The following PPARGC1A variants were observed in gnomAD, a reference collection of about 807,000 sequenced individuals.
PPARGC1A encodes the protein PPARG coactivator 1 alpha, also known as peroxisome proliferator-activated receptor gamma coactivator 1-alpha.
A neutral mutation model predicts 88.7 loss-of-function variants in PPARGC1A; 25 were observed. That is an observed-to-expected ratio of 0.28 (90% CI 0.21 to 0.39). PPARGC1A has a LOEUF of 0.39. Among genes scored for constraint, PPARGC1A ranks in the 10% least tolerant of loss-of-function variants. PPARGC1A has a pLI of 1.00. For synonymous variants in PPARGC1A, 363 were observed against 355.6 expected (o/e 1.02, Z -0.24); for missense variants, 880 against 968.7 (o/e 0.91, Z 1.22).
chr4:24,290,961 G>GA, the PPARGC1A span, among the ~76,000 whole-genome samples: 2 of 152,090 alleles, frequency 1.3e-5, no homozygotes, highest in Admixed American at 6.6e-5. Context: ...ATATCTAACA[G>GA]AAAAAATATT....
the PPARGC1A span, among the ~76,000 whole-genome samples, chr4:24,227,297 G>A: frequency 2.0e-5 from 3 of 152,124 alleles, no homozygotes; most frequent in Admixed American, 6.5e-5. Context: ...GTGTTGCCCA[G>A]GCTGGTTTCG....
chr4:24,016,464 A>T, the PPARGC1A span, among the ~76,000 whole-genome samples: 1 of 152,224 alleles, frequency 6.6e-6, no homozygotes, highest in East Asian at 1.9e-4. Context: ...CATTTAACAA[A>T]CATCCATTAA....
At chr4:24,420,321 T>G in the PPARGC1A span, among the ~76,000 whole-genome samples, 6 of 152,232 alleles carry the variant, frequency 3.9e-5, no homozygotes, top group Non-Finnish European at 8.8e-5. Flanking sequence ...ATGTGCTTTT[T>G]TTAATTTAAA....
the PPARGC1A span, among the ~76,000 whole-genome samples, chr4:24,254,667 C>T: frequency 1.4e-4 from 21 of 152,178 alleles, no homozygotes; most frequent in Non-Finnish European, 3.1e-4. Flanking sequence ...GAGGGCGTGA[C>T]GTGAAAGAAG....
chr4:23,905,646 G>C (rs140897537), upstream of PPARGC1A, among the ~76,000 whole-genome samples: 49 of 152,312 alleles, frequency 3.2e-4, no homozygotes, highest in African/African-American at 1.2e-3. Flanking sequence ...ATGCTGTGCT[G>C]AGTAGTTCTG....
rs1345142486 is a variant in PPARGC1A at position 23,884,995 on chromosome 4, G to T, written c.55-64C>A. ...ATTAACCACAGGAATTTATTAAACT[G>T]CAATAGCATGTGATAGGAATTAAGC... On this transcript the variant is annotated intron_variant, in intron 1 of 12. Transcript: ENST00000264867. 9 of 1,362,956 alleles carry T rather than the reference G, an allele frequency of 6.6e-6. 1 individual carries two copies. The East Asian group carries it at 2.0e-4, about 30-fold the overall frequency. The allele number at this position is 1,362,956 out of a possible 1,614,324, so 84.4% of individuals were successfully genotyped here.
At chr4:24,060,235 T>C in the PPARGC1A span, among the ~76,000 whole-genome samples, 1 of 152,108 alleles carries the variant, frequency 6.6e-6, no homozygotes, top group Non-Finnish European at 1.5e-5. Flanking sequence ...AAGTTGAAAG[T>C]ATTTGCTGGT....
the PPARGC1A span, among the ~76,000 whole-genome samples, chr4:24,191,182 T>C: frequency 6.6e-6 from 1 of 152,196 alleles, no homozygotes; most frequent in Non-Finnish European, 1.5e-5. Context: ...GTATGTATTC[T>C]CGGAGCAGAA....
chr4:24,037,744 T>G, the PPARGC1A span, among the ~76,000 whole-genome samples: 1 of 152,154 alleles, frequency 6.6e-6, no homozygotes, highest in Admixed American at 6.6e-5. Flanking sequence ...CCAAACCTCT[T>G]TGTATCCATG....
At chr4:24,227,754 C>G in the PPARGC1A span, among the ~76,000 whole-genome samples, 81,256 of 151,934 alleles carry the variant, frequency 0.53, 22,544 homozygotes, top group Non-Finnish European at 0.6. Flanking sequence ...ATTCCAGCAT[C>G]CTCATTACCT....
the PPARGC1A span, among the ~76,000 whole-genome samples, chr4:24,111,224 GCTTT>G: frequency 6.6e-6 from 1 of 152,202 alleles, no homozygotes; most frequent in South Asian, 2.1e-4. Context: ...GGGAGAGCCA[GCTTT>G]CTTTCTTCAG....
rs1428994117 is a variant in PPARGC1A, at chr4:23,792,818, G to A, written c.*3004C>T. 3.3e-5 allele frequency: 5 copies of A among 152,484 alleles called. No homozygotes were observed. Among genetic ancestry groups the A allele is most frequent in the African/African-American group, 1.2e-4 (5 of 41,406 alleles). The allele number at this position is 152,484 out of a possible 1,614,324, so 9.4% of individuals were successfully genotyped here. A position where few individuals can be genotyped will look rare whatever the true frequency, so the allele number is the denominator to read the frequency against. On this transcript the variant is annotated 3_prime_UTR_variant, in exon 13 of 13. Transcript: ENST00000264867. ...TAAAAATAAAAATGAGAGGAGCACA[G>A]CTTACATTTTGATGGGCTACCCACA... is the stretch of plus-strand genomic sequence containing the variant.
At chr4:24,309,401 G>A in the PPARGC1A span, among the ~76,000 whole-genome samples, 1 of 152,168 alleles carries the variant, frequency 6.6e-6, no homozygotes, top group Admixed American at 6.5e-5. Context: ...TCAACATCAA[G>A]GGGGATAGTG....
At chr4:23,894,006 G>T (rs1189592586), upstream of PPARGC1A, among the ~76,000 whole-genome samples, 2 of 152,240 alleles carry the variant, frequency 1.3e-5, no homozygotes, top group African/African-American at 2.4e-5. Flanking sequence ...ATAAGGCTGG[G>T]CAAGGTTTGG....
At chr4:24,062,990 C>T in the PPARGC1A span, among the ~76,000 whole-genome samples, 5 of 152,174 alleles carry the variant, frequency 3.3e-5, no homozygotes, top group African/African-American at 7.2e-5. Context: ...AACCTGTAAA[C>T]GATGGTTCAT....
chr4:24,328,260 C>T, the PPARGC1A span, among the ~76,000 whole-genome samples: 2 of 138,204 alleles, frequency 1.4e-5, no homozygotes, highest in Non-Finnish European at 1.6e-5. Flanking sequence ...AGCCCCCCCC[C>T]CAATCAGCAT....
chr4:24,144,120 A>G, the PPARGC1A span, among the ~76,000 whole-genome samples: 1 of 152,244 alleles, frequency 6.6e-6, no homozygotes, highest in East Asian at 1.9e-4. Context: ...CCTATTTGCC[A>G]GGATATGCAG....
the PPARGC1A span, among the ~76,000 whole-genome samples, chr4:24,186,772 A>G: frequency 6.6e-6 from 1 of 152,028 alleles, no homozygotes; most frequent in African/African-American, 2.4e-5. Context: ...TGCCAGAACC[A>G]TGGGCAGGGC....
chr4:23,804,511 G>T (rs960495153), intron 10 of PPARGC1A, among the ~76,000 whole-genome samples: 1 of 152,132 alleles, frequency 6.6e-6, no homozygotes, highest in African/African-American at 2.4e-5. Context: ...TTGTTGTTAG[G>T]ATAGTCTTTG....
Sources: allele counts gnomAD v4.1 joint callset (sites outside exome capture counted in the v4.1 genomes callset), GRCh38; gene constraint gnomAD v4.1.1; transcripts MANE v1.5; gene names NCBI Gene and HGNC (gene_info 2026-07-23, HGNC 2026-07-21).